Variants in PSD2 observed in about 807,000 individuals in gnomAD.
PSD2 encodes the protein pleckstrin and Sec7 domain containing 2, also known as PH and SEC7 domain-containing protein 2.
In PSD2, 38 loss-of-function variants were observed where a neutral mutation model predicts 69.8. The observed-to-expected ratio is 0.54, with a 90% CI of 0.42 to 0.71. PSD2 has a LOEUF of 0.71. Ranked by LOEUF, PSD2 falls within the 30% of genes least tolerant of loss-of-function variation. PSD2 has a pLI of 0.00. For missense variants in PSD2, 943 were observed against 1,014.5 expected (o/e 0.93, Z 0.96); for synonymous variants, 412 against 423.0 (o/e 0.97, Z 0.32).
At chr5:139,751,770 T>A in the PSD2 span, among the ~76,000 whole-genome samples, 1 of 149,624 alleles carries the variant, frequency 6.7e-6, no homozygotes, top group Non-Finnish European at 1.5e-5. Flanking sequence ...AGTGTTTCCA[T>A]GGCATGGCTA....
At chr5:139,757,107 C>T in the PSD2 span, among the ~76,000 whole-genome samples, 4 of 152,192 alleles carry the variant, frequency 2.6e-5, no homozygotes, top group African/African-American at 7.2e-5. Flanking sequence ...TTGCATGAAG[C>T]GGATTCTCTC....
chr5:139,826,613 A>C (rs1581730598), intron 7 of PSD2, among the ~76,000 whole-genome samples: 1 of 152,210 alleles, frequency 6.6e-6, no homozygotes, highest in African/African-American at 2.4e-5. Context: ...CTGAGAGTGA[A>C]GATGGGAAGG....
At position 139,844,023 on chromosome 5, in the gene PSD2, A is replaced by T. The variant is rs900442923; in HGVS notation, c.*1549A>T. 1 of 152,240 alleles carries T rather than the reference A, an allele frequency of 6.6e-6. No individual in the cohort carries two copies. Among genetic ancestry groups the T allele is most frequent in the Non-Finnish European group, 1.5e-5 (1 of 68,046 alleles). The allele number at this position is 152,240 out of a possible 1,614,324, so 9.4% of individuals were successfully genotyped here. ...GAGAGATGTAGTGATTTAAATTCAGATTATTTAAGTTGGATCAGCTGAAGT... is the reference window on the plus strand; with the variant it reads ...GAGAGATGTAGTGATTTAAATTCAGTTTATTTAAGTTGGATCAGCTGAAGT... On this transcript the variant is annotated 3_prime_UTR_variant, in exon 15 of 15. Coordinates refer to ENST00000274710, the MANE Select transcript of PSD2 (RefSeq NM_032289.4).
the PSD2 span, among the ~76,000 whole-genome samples, chr5:139,748,332 A>T: frequency 6.6e-6 from 1 of 152,166 alleles, no homozygotes; most frequent in African/African-American, 2.4e-5. Flanking sequence ...TGTGCCTAAA[A>T]TACACATATT....
the PSD2 span, among the ~76,000 whole-genome samples, chr5:139,767,194 C>T: frequency 5.9e-5 from 9 of 151,764 alleles, no homozygotes; most frequent in East Asian, 7.8e-4. Flanking sequence ...CAGATTTCAC[C>T]GTGTTAGCCA....
At chr5:139,754,997 C>T in the PSD2 span, among the ~76,000 whole-genome samples, 3 of 152,224 alleles carry the variant, frequency 2.0e-5, no homozygotes, top group Admixed American at 1.3e-4. Flanking sequence ...CCAAGGGAAT[C>T]CACATGATAA....
chr5:139,784,187 G>T, the PSD2 span, among the ~76,000 whole-genome samples: 4 of 151,726 alleles, frequency 2.6e-5, no homozygotes, highest in African/African-American at 9.7e-5. Context: ...CGATCCACCC[G>T]CCTCTGCCTC....
At chr5:139,798,756 A>C (rs948351633) in intron 1 of PSD2, among the ~76,000 whole-genome samples, 7 of 152,218 alleles carry the variant, frequency 4.6e-5, no homozygotes, top group African/African-American at 1.7e-4. Flanking sequence ...TGAGACAGGG[A>C]CATTTTTCTA....
chr5:139,838,953 G>A (rs6896668), intron 13 of PSD2, among the ~76,000 whole-genome samples, 181 bp downstream of exon 13: 20,299 of 152,064 alleles, frequency 0.13, 2,246 homozygotes, highest in African/African-American at 0.3. Flanking sequence ...CAGGGAGACC[G>A]AGGCATGGCA....
chr5:139,744,737 G>A, the PSD2 span: 3 of 152,398 alleles, frequency 2.0e-5, 1 homozygote, highest in South Asian at 4.1e-4. Context: ...CGGGCAGGAA[G>A]ACAAGAGGAG....
At chr5:139,799,142 T>A (rs1759603246) in intron 1 of PSD2, among the ~76,000 whole-genome samples, 1 of 152,146 alleles carries the variant, frequency 6.6e-6, no homozygotes, top group South Asian at 2.1e-4. Flanking sequence ...CACCTGTTAT[T>A]AGTTTGTCCT....
chr5:139,780,532 C>T, the PSD2 span, among the ~76,000 whole-genome samples: 1 of 152,170 alleles, frequency 6.6e-6, no homozygotes, highest in Non-Finnish European at 1.5e-5. Flanking sequence ...CAACCACTGC[C>T]TCCTGGGTTC....
intron 1 of PSD2, among the ~76,000 whole-genome samples, chr5:139,798,951 T>A (rs1009472404): frequency 2.0e-5 from 3 of 152,252 alleles, no homozygotes; most frequent in African/African-American, 7.2e-5. Context: ...TCAATCTGGA[T>A]GAATCCCTGG....
chr5:139,782,578 T>C, the PSD2 span, among the ~76,000 whole-genome samples: 12,824 of 147,596 alleles, frequency 0.087, 606 homozygotes, highest in African/African-American at 0.099. Flanking sequence ...CTGCAACCTC[T>C]GCCTCCCGGG....
At chr5:139,766,316 A>C in the PSD2 span, among the ~76,000 whole-genome samples, 1 of 152,112 alleles carries the variant, frequency 6.6e-6, no homozygotes. Context: ...TAAGCCTTTC[A>C]TGGGATACTT....
chr5:139,780,695 C>T, the PSD2 span, among the ~76,000 whole-genome samples: 29 of 152,334 alleles, frequency 1.9e-4, no homozygotes, highest in East Asian at 7.7e-4. Flanking sequence ...CCACCAGCCT[C>T]GGCCTCCCAA....
chr5:139,829,126 G>C (rs113309830), intron 7 of PSD2, among the ~76,000 whole-genome samples: 8,425 of 152,242 alleles, frequency 0.055, 328 homozygotes, highest in Non-Finnish European at 0.078. Flanking sequence ...GTCATTATAA[G>C]TATTATATTT....
chr5:139,829,182 T>A (rs1264686954), intron 7 of PSD2, among the ~76,000 whole-genome samples: 1 of 152,212 alleles, frequency 6.6e-6, no homozygotes, highest in Admixed American at 6.5e-5. Flanking sequence ...TTTGCATGAG[T>A]CTTGCTTTTT....
chr5:139,773,159 G>A, the PSD2 span, among the ~76,000 whole-genome samples: 1 of 151,996 alleles, frequency 6.6e-6, no homozygotes, highest in East Asian at 1.9e-4. Context: ...CATTCATCTC[G>A]CAAAACTGAA....
Sources: allele counts gnomAD v4.1 joint callset (sites outside exome capture counted in the v4.1 genomes callset), GRCh38; gene constraint gnomAD v4.1.1; transcripts MANE v1.5; gene names NCBI Gene and HGNC (gene_info 2026-07-23, HGNC 2026-07-21).